Variants in CDKN2B-AS1 observed in about 807,000 individuals in gnomAD.
The protein encoded by CDKN2B-AS1 is CDKN2B and CDKN2A antisense cis and trans regulatory RNA 1, also known as CDKN2B antisense RNA 1 (non-protein coding).
At chr9:22,010,007 A>G (rs1821419011) in intron 1 of CDKN2B-AS1, among the ~76,000 whole-genome samples, 2 of 152,222 alleles carry the variant, frequency 1.3e-5, no homozygotes, top group African/African-American at 2.4e-5. Context: ...ATTATACTTT[A>G]AGAATCTGAG....
intron 4 of CDKN2B-AS1, chr9:22,096,276 A>G (rs1563979142): frequency 6.6e-6 from 1 of 152,230 alleles, no homozygotes; most frequent in South Asian, 2.1e-4. Flanking sequence ...TATTACCTAC[A>G]TTGCACTAAG....
intron 1 of CDKN2B-AS1, among the ~76,000 whole-genome samples, chr9:22,033,298 G>A (rs1229990468): frequency 3.3e-5 from 5 of 152,180 alleles, no homozygotes; most frequent in African/African-American, 1.2e-4. Context: ...TGTTTTACAT[G>A]CACAAGTAGC....
chr9:22,052,165 C>T (rs112877020), intron 3 of CDKN2B-AS1, among the ~76,000 whole-genome samples: 2 of 152,090 alleles, frequency 1.3e-5, no homozygotes, highest in African/African-American at 4.8e-5. Flanking sequence ...TAATAGTTTC[C>T]CCCAATGAAA....
intron 4 of CDKN2B-AS1, among the ~76,000 whole-genome samples, chr9:22,087,583 A>G (rs1487898648): frequency 1.3e-5 from 2 of 152,206 alleles, no homozygotes; most frequent in Admixed American, 6.5e-5. Flanking sequence ...GCTGATTATA[A>G]TATTTGTCCT....
At chr9:22,040,706 C>A (rs1051983622) in intron 1 of CDKN2B-AS1, among the ~76,000 whole-genome samples, 5 of 151,962 alleles carry the variant, frequency 3.3e-5, no homozygotes, top group African/African-American at 1.2e-4. Flanking sequence ...TGCACGAATG[C>A]CTCCTTTGTA....
At chr9:22,043,242 T>G (rs1347897499) in intron 1 of CDKN2B-AS1, among the ~76,000 whole-genome samples, 1 of 152,084 alleles carries the variant, frequency 6.6e-6, no homozygotes, top group Admixed American at 6.6e-5. Context: ...ATTAGTAATT[T>G]GAGAGTTTTT....
At chr9:22,122,974 G>A (rs1826131822) in intron 4 of CDKN2B-AS1, among the ~76,000 whole-genome samples, 1 of 151,830 alleles carries the variant, frequency 6.6e-6, no homozygotes. Context: ...TGAATCTATA[G>A]GTTGCTTTGG....
Position 22,031,662 on chromosome 9 carries a change from A to C in CDKN2B-AS1, n.30-15089A>C, listed in dbSNP as rs187460972. ...TAAAAGATGAAACAAAGAAACTGAG[A>C]GCAGATCACCAAGTTGCGGTAGGTT... On this transcript the variant is annotated intron_variant and non_coding_transcript_variant, in intron 1 of 4. Transcript: ENST00000650946. 7.8e-4 allele frequency among the ~76,000 whole-genome samples: 119 copies of C among 152,332 alleles called. 2 individuals are homozygous for C. The highest frequency in any genetic ancestry group is 1.4e-3 in the East Asian group (7 of 5,182).
chr9:22,062,976 G>C (rs977625862), intron 4 of CDKN2B-AS1, among the ~76,000 whole-genome samples: 20 of 125,324 alleles, frequency 1.6e-4, no homozygotes, highest in East Asian at 7.9e-4. Context: ...GTGAAAGACA[G>C]ACACACACAC....
chr9:22,045,034 T>TGTGTGTG (rs1563943297), intron 1 of CDKN2B-AS1, among the ~76,000 whole-genome samples: 2 of 103,326 alleles, frequency 1.9e-5, no homozygotes, highest in African/African-American at 1.2e-4. Flanking sequence ...AAAATATTAT[T>TGTGTGTG]TATTTGTGTG....
chr9:22,030,202 A>G (rs1822411103), intron 1 of CDKN2B-AS1: 1 of 152,194 alleles, frequency 6.6e-6, no homozygotes, highest in African/African-American at 2.4e-5. Flanking sequence ...TACATAGACA[A>G]TACACTTCCT....
At chr9:22,018,846 A>G (rs959452451) in intron 1 of CDKN2B-AS1, among the ~76,000 whole-genome samples, 2 of 152,234 alleles carry the variant, frequency 1.3e-5, no homozygotes, top group East Asian at 1.9e-4. Context: ...AATAAATATC[A>G]TACACTATAT....
At chr9:22,068,888 A>T (rs1424396008) in intron 4 of CDKN2B-AS1, among the ~76,000 whole-genome samples, 1 of 152,200 alleles carries the variant, frequency 6.6e-6, no homozygotes, top group African/African-American at 2.4e-5. Flanking sequence ...CAAGTCAACA[A>T]ACAGTACAGG....
At chr9:22,113,246 G>A (rs1186830694) in intron 4 of CDKN2B-AS1, among the ~76,000 whole-genome samples, 1 of 152,104 alleles carries the variant, frequency 6.6e-6, no homozygotes, top group Non-Finnish European at 1.5e-5. Context: ...TCAGGCTGCT[G>A]GCATAATTTA....
At chr9:22,098,232 ATG>A (rs1235040712) in intron 4 of CDKN2B-AS1, among the ~76,000 whole-genome samples, 2 of 151,246 alleles carry the variant, frequency 1.3e-5, no homozygotes, top group East Asian at 1.9e-4. Flanking sequence ...ATATTTATAT[ATG>A]TGTGTGTATA....
At chr9:22,079,217 C>T (rs977159229) in intron 4 of CDKN2B-AS1, among the ~76,000 whole-genome samples, 3 of 152,230 alleles carry the variant, frequency 2.0e-5, no homozygotes, top group Non-Finnish European at 4.4e-5. Context: ...GGTGCAGTGG[C>T]TCACGCCTGT....
rs116796804 is a variant in CDKN2B-AS1, at chr9:22,033,760, T to C, written n.30-12991T>C. On this transcript the variant is annotated intron_variant and non_coding_transcript_variant, in intron 1 of 4. Coordinates refer to ENST00000650946, the Ensembl canonical transcript of CDKN2B-AS1. ...TTGGTCCAAGAAGAGACTGAGGTGATGCAGTTTCACCTGTTTTGTAAGAAT... is the reference window on the plus strand; with the variant it reads ...TTGGTCCAAGAAGAGACTGAGGTGACGCAGTTTCACCTGTTTTGTAAGAAT... Among the ~76,000 whole-genome samples the C allele has an allele frequency of 4.1e-4, 63 of 152,332 alleles. 1 individual carries two copies. The highest frequency in any genetic ancestry group is 1.3e-3 in the African/African-American group (53 of 41,580).
intron 4 of CDKN2B-AS1, among the ~76,000 whole-genome samples, chr9:22,066,544 T>C (rs1343985982): frequency 6.6e-6 from 1 of 151,984 alleles, no homozygotes; most frequent in Non-Finnish European, 1.5e-5. Context: ...GCTGCTTTCC[T>C]AGCTTCTGAG....
chr9:22,060,529 A>G (rs1335940580), intron 4 of CDKN2B-AS1, among the ~76,000 whole-genome samples: 1 of 152,188 alleles, frequency 6.6e-6, no homozygotes, highest in Non-Finnish European at 1.5e-5. Flanking sequence ...AAGCATTCCC[A>G]CATTTTCCTT....
Sources: gnomAD v4.1 joint callset for allele counts (sites outside exome capture counted in the v4.1 genomes callset) on GRCh38, gnomAD v4.1.1 for gene constraint, MANE v1.5 for transcripts, NCBI Gene and HGNC (gene_info 2026-07-23, HGNC 2026-07-21) for gene names.